PLGRKT: variants seen among roughly 807,000 people sequenced by gnomAD.
PLGRKT encodes the protein plasminogen receptor (KT).
A neutral mutation model predicts 18.5 loss-of-function variants in PLGRKT; 22 were observed. The observed-to-expected ratio is 1.19, with a 90% CI of 0.85 to 1.70. The LOEUF (loss-of-function observed/expected upper bound fraction) is 1.70. Among genes scored for constraint, PLGRKT ranks in the 40% most tolerant of loss-of-function variants. PLGRKT has a pLI of 0.00. For synonymous variants in PLGRKT, 72 were observed against 52.8 expected (o/e 1.36, Z -1.58); for missense variants, 235 against 174.4 (o/e 1.35, Z -1.96).
chr9:5,431,531 CAAAAAAAAAAAA>C (rs1191361436), intron 3 of PLGRKT, among the ~76,000 whole-genome samples: 1 of 77,038 alleles, frequency 1.3e-5, no homozygotes. Context: ...GAGACTCTCT[CAAAAAAAAAAAA>C]AAAAAAAAAA....
At chr9:5,372,044 C>T (rs932592909) in intron 3 of PLGRKT, among the ~76,000 whole-genome samples, 2 of 136,020 alleles carry the variant, frequency 1.5e-5, no homozygotes, top group Non-Finnish European at 3.0e-5. Context: ...TGCAGTGGCG[C>T]GATATTGGCT....
chr9:5,417,616 T>C (rs1818488493), intron 3 of PLGRKT, among the ~76,000 whole-genome samples: 1 of 150,100 alleles, frequency 6.7e-6, no homozygotes, highest in Non-Finnish European at 1.5e-5. Context: ...ACAAATCTTA[T>C]AGCCAATAAA....
intron 3 of PLGRKT, among the ~76,000 whole-genome samples, chr9:5,371,815 G>A (rs963479062): frequency 3.3e-5 from 5 of 151,632 alleles, no homozygotes; most frequent in South Asian, 2.1e-4. Flanking sequence ...ATTTTAAAGA[G>A]TACATATTTC....
chr9:5,394,400 T>C (rs561656215), intron 3 of PLGRKT, among the ~76,000 whole-genome samples: 1 of 152,006 alleles, frequency 6.6e-6, no homozygotes, highest in African/African-American at 2.4e-5. Context: ...GATTTTTTAA[T>C]GAGAAGTTTT....
intron 3 of PLGRKT, among the ~76,000 whole-genome samples, chr9:5,363,113 G>A (rs1817304237): frequency 6.6e-6 from 1 of 151,902 alleles, no homozygotes; most frequent in Admixed American, 6.6e-5. Flanking sequence ...AAAACCTAGA[G>A]CCAGCGGACC....
In PLGRKT at chr9:5,361,184, C is replaced by T. The variant is rs148368569; in HGVS notation, c.216G>A (p.Ala72=). The T allele has an allele frequency of 2.7e-4, 423 of 1,580,188 alleles. 2 individuals are homozygous for T. In the East Asian group the frequency reaches 8.3e-3, roughly 31 times the overall value. Residue 72 remains alanine, a synonymous_variant, in exon 5 of 6, where the codon GCG becomes GCA. Coordinates refer to ENST00000223864, the MANE Select transcript of PLGRKT (RefSeq NM_018465.4). ...GLAAISLTAG[A]IKKKKPAFLV... The stretch of plus-strand genomic sequence containing the variant: ...GGAAGGCTGGCTTCTTTTTTTTAAT[C>T]GCTCTGTTTCAAGAATTAAAAGAAG...
intron 3 of PLGRKT, among the ~76,000 whole-genome samples, chr9:5,373,731 G>A (rs751469864): frequency 6.6e-6 from 1 of 152,014 alleles, no homozygotes; most frequent in Non-Finnish European, 1.5e-5. Flanking sequence ...CTGGCATGTC[G>A]AGGCTGCAGT....
At chr9:5,358,598 G>A (rs949886719) in intron 5 of PLGRKT, among the ~76,000 whole-genome samples, 1 of 152,168 alleles carries the variant, frequency 6.6e-6, no homozygotes, top group African/African-American at 2.4e-5. Flanking sequence ...ATGTAGAAGA[G>A]AAAGAACATC....
chr9:5,382,055 T>G (rs1817757617), intron 3 of PLGRKT: 3 of 964,426 alleles, frequency 3.1e-6, no homozygotes, highest in Non-Finnish European at 3.7e-6. Context: ...CATATTAGCC[T>G]CACAACTTTC....
chr9:5,403,149 A>T (rs1409179387), intron 3 of PLGRKT, among the ~76,000 whole-genome samples: 1 of 151,822 alleles, frequency 6.6e-6, no homozygotes, highest in Non-Finnish European at 1.5e-5. Flanking sequence ...AGATTGGAAC[A>T]ATTTATTTCA....
rs147177088 is a variant in PLGRKT, at chr9:5,402,929, T to A, written c.81+28968A>T. Among the ~76,000 whole-genome samples, 88 of 151,686 alleles carry A rather than the reference T, an allele frequency of 5.8e-4. 1 individual carries two copies. Among genetic ancestry groups the A allele is most frequent in the Admixed American group, 4.2e-3 (64 of 15,274 alleles). ...AGGCAAATGTCTTGACAAGAAAAAA[T>A]TGAAAACAGAAATGAGCAAGGGGCA... is the stretch of plus-strand genomic sequence containing the variant. On this transcript the variant is annotated intron_variant, in intron 3 of 5. Coordinates refer to ENST00000223864, the MANE Select transcript of PLGRKT (RefSeq NM_018465.4).
rs1007867626 is a variant in PLGRKT at position 5,430,423 on chromosome 9, A to G, written c.81+1474T>C. ...AATAATTCAGTTGTCCATTCTTTCA[A>G]TTGTTTCATTGTCCCCAAAGAGATA... On this transcript the variant is annotated intron_variant, in intron 3 of 5. Transcript: ENST00000223864. Among the ~76,000 whole-genome samples, 114 of 152,154 alleles carry G rather than the reference A, an allele frequency of 7.5e-4. 1 individual carries two copies. Among genetic ancestry groups the G allele is most frequent in the African/African-American group, 2.7e-3 (111 of 41,436 alleles).
At chr9:5,394,188 G>A (rs2131115245) in intron 3 of PLGRKT, among the ~76,000 whole-genome samples, 1 of 151,928 alleles carries the variant, frequency 6.6e-6, no homozygotes, top group South Asian at 2.1e-4. Flanking sequence ...TTGTGACTAA[G>A]ATTTATTTAA....
chr9:5,404,209 G>A (rs1818211291), intron 3 of PLGRKT, among the ~76,000 whole-genome samples: 1 of 152,040 alleles, frequency 6.6e-6, no homozygotes, highest in African/African-American at 2.4e-5. Flanking sequence ...AAGAAGAGCT[G>A]GTACCATTTC....
intron 2 of PLGRKT, among the ~76,000 whole-genome samples, chr9:5,434,599 C>CTT (rs1387286736): frequency 2.0e-5 from 3 of 146,466 alleles, no homozygotes; most frequent in Admixed American, 6.7e-5. Context: ...CCTGGCCGCC[C>CTT]CCTCTGGGAG....
intron 3 of PLGRKT, among the ~76,000 whole-genome samples, chr9:5,411,948 A>G (rs1157670896): frequency 2.6e-5 from 4 of 152,236 alleles, no homozygotes; most frequent in African/African-American, 4.8e-5. Context: ...ATACTTGGGC[A>G]TGTTGATACC....
chr9:5,434,823 AC>A (rs1818927773), intron 2 of PLGRKT, among the ~76,000 whole-genome samples: 1 of 152,164 alleles, frequency 6.6e-6, no homozygotes, highest in Admixed American at 6.5e-5. Context: ...CTCCGAAGAG[AC>A]AGCGACCATC....
intron 3 of PLGRKT, among the ~76,000 whole-genome samples, chr9:5,408,726 G>T (rs1259117422): frequency 6.6e-6 from 1 of 152,252 alleles, no homozygotes; most frequent in African/African-American, 2.4e-5. Flanking sequence ...AGACATTTCA[G>T]AGACCTTTGC....
Position 5,418,489 on chromosome 9 carries a change from G to T in PLGRKT, c.81+13408C>A. ...GACAGTGCACACCCTCAACCACATGGAGCTTTTCACCATGCCCCGCCTGTC... is the reference window on the plus strand; with the variant it reads ...GACAGTGCACACCCTCAACCACATGTAGCTTTTCACCATGCCCCGCCTGTC... On this transcript the variant is annotated intron_variant, in intron 3 of 5. Transcript: ENST00000223864. This position sits in a 1 kb window ranked among gnomAD's most constrained non-coding sequence, Gnocchi z 4.2. 1.8e-6 allele frequency: 2 copies of T among 1,114,314 alleles called. No homozygotes were observed. The highest frequency in any genetic ancestry group is 1.5e-5 in the African/African-American group (1 of 66,100). 69.0% of individuals were successfully genotyped at this position (1,114,314 alleles called of 1,614,324 possible). A position where few individuals can be genotyped will look rare whatever the true frequency, so the allele number is the denominator to read the frequency against.
Sources: gnomAD v4.1 joint callset for allele counts (sites outside exome capture counted in the v4.1 genomes callset) on GRCh38, gnomAD v4.1.1 for gene constraint, Gnocchi (gnomAD v3.1) non-coding constraint, MANE v1.5 for transcripts, NCBI Gene and HGNC (gene_info 2026-07-23, HGNC 2026-07-21) for gene names.